DNAH9: variants seen among roughly 807,000 people sequenced by gnomAD.
The protein encoded by DNAH9 is dynein axonemal heavy chain 9, also known as DNAH9 variant protein.
Under a neutral mutation model 471.6 loss-of-function variants are expected in DNAH9, and 345 were observed. The ratio of observed to expected loss-of-function variants is 0.73; its 90% CI spans 0.67 to 0.80. The LOEUF (loss-of-function observed/expected upper bound fraction) is 0.80, where lower values mean the gene tolerates loss of function less well. Ranked by LOEUF, DNAH9 falls within the 30% of genes least tolerant of loss-of-function variation. The pLI, the probability that DNAH9 is intolerant of heterozygous loss-of-function variation, is 0.00. For synonymous variants in DNAH9, 2,093 were observed against 2,123.6 expected (o/e 0.99, Z 0.40); for missense variants, 5,407 against 5,609.2 (o/e 0.96, Z 1.15).
At chr17:11,637,164 G>A (rs1360226731) in intron 9 of DNAH9, among the ~76,000 whole-genome samples, 1 of 152,182 alleles carries the variant, frequency 6.6e-6, no homozygotes, top group East Asian at 1.9e-4. Context: ...GCCTTCCAAT[G>A]CCATAGCAAC....
intron 30 of DNAH9, 46 bp from the exon 31 acceptor site, chr17:11,744,751 C>G: frequency 6.5e-7 from 1 of 1,540,078 alleles, no homozygotes; most frequent in Non-Finnish European, 8.9e-7. Flanking sequence ...CACCCCAGCA[C>G]ATGGTGTTCT....
At chr17:11,688,864 A>G (rs1336406213) in intron 19 of DNAH9, among the ~76,000 whole-genome samples, 1 of 152,012 alleles carries the variant, frequency 6.6e-6, no homozygotes, top group African/African-American at 2.4e-5. Context: ...TTTGGAGGCC[A>G]AGGCGGGTGG....
chr17:11,651,070 T>C lies in DNAH9; in HGVS notation c.2099T>C (p.Leu700Pro). 6.2e-7 allele frequency: 1 copy of C among 1,612,402 alleles called. No homozygotes were observed. The highest frequency in any genetic ancestry group is 8.5e-7 in the Non-Finnish European group (1 of 1,178,816). ...KEITINFNPQ[L>P]ISVLKEMSYL... ...ACTTGTGTTGCTTCTTTTCTCCAGCTGATTTCAGTGCTGAAAGAAATGAGC... is the reference window on the plus strand; with the variant it reads ...ACTTGTGTTGCTTCTTTTCTCCAGCCGATTTCAGTGCTGAAAGAAATGAGC... Residue 700 changes from leucine to proline, a missense_variant and splice_region_variant, in exon 13 of 69, where the codon CTG (leucine) becomes CCG (proline). By Grantham distance (98) the Leu-to-Pro change is moderately conservative. Transcript: ENST00000262442.
At chr17:11,701,925 G>A (rs537417513) in intron 24 of DNAH9, among the ~76,000 whole-genome samples, 4 of 152,158 alleles carry the variant, frequency 2.6e-5, no homozygotes, top group South Asian at 2.1e-4. Context: ...CAAGTGATCC[G>A]CCCACCTCGG....
chr17:11,690,851 T>C (rs1210145886), intron 20 of DNAH9, among the ~76,000 whole-genome samples: 1 of 152,158 alleles, frequency 6.6e-6, no homozygotes, highest in Non-Finnish European at 1.5e-5. Context: ...CAGCATGCCA[T>C]TCTATAAACC....
intron 57 of DNAH9, among the ~76,000 whole-genome samples, chr17:11,888,127 T>C (rs536543595): frequency 2.3e-4 from 35 of 151,838 alleles, no homozygotes; most frequent in South Asian, 8.3e-4. Context: ...GGACTACAGG[T>C]GCCCACCACC....
chr17:11,694,600 AGCTTTCTTGCTTTCTTGCTTTCTT>A lies in DNAH9; in HGVS notation c.4872+177_4872+200del, dbSNP rs764975180. 3.2e-3 allele frequency among the ~76,000 whole-genome samples: 357 copies of A among 109,908 alleles called. 85 individuals are homozygous for A. The highest frequency in any genetic ancestry group is 0.011 in the African/African-American group (320 of 28,014). 72.1% of individuals were successfully genotyped at this position (109,908 alleles called of 152,430 possible). A position where few individuals can be genotyped will look rare whatever the true frequency, so the allele number is the denominator to read the frequency against. On this transcript the variant is annotated intron_variant, in intron 22 of 68. Coordinates refer to ENST00000262442, the MANE Select transcript of DNAH9 (RefSeq NM_001372.4). The stretch of plus-strand genomic sequence containing the variant: ...CCCCCAGCATCATCACATACCTCGG[AGCTTTCTTGCTTTCTTGCTTTCTT>A]GCTTTCTTGCTTTCTTGCTTTCTCG...
At chr17:11,679,697 C>T in intron 17 of DNAH9, 60 bp from the exon 18 acceptor site, 2 of 1,211,794 alleles carry the variant, frequency 1.7e-6, no homozygotes, top group Admixed American at 1.7e-5. Flanking sequence ...GAAATCAATA[C>T]ATCTGCCTTT....
intron 26 of DNAH9, among the ~76,000 whole-genome samples, chr17:11,718,782 G>A (rs1260140381): frequency 6.6e-6 from 1 of 152,194 alleles, no homozygotes; most frequent in Non-Finnish European, 1.5e-5. Flanking sequence ...TACAACATAT[G>A]TCACAGGAAG....
At chr17:11,801,488 G>C (rs1435841316) in intron 43 of DNAH9, among the ~76,000 whole-genome samples, 1 of 152,158 alleles carries the variant, frequency 6.6e-6, no homozygotes, top group Non-Finnish European at 1.5e-5. Context: ...TCAGGAGTTT[G>C]AGGCCAGCCT....
chr17:11,919,363 C>T (rs924393066), intron 61 of DNAH9, among the ~76,000 whole-genome samples: 2 of 151,682 alleles, frequency 1.3e-5, no homozygotes, highest in Non-Finnish European at 2.9e-5. Flanking sequence ...GGCGTGGTGG[C>T]GGGCGCCTGT....
rs918644795 is a variant in DNAH9, at chr17:11,871,471, C to A, written c.10054-127C>A. The stretch of plus-strand genomic sequence containing the variant: ...CACAAATCCCCATTAACGGAAAGGG[C>A]CATATAAGTGATATTCTGCCTCTTC... On this transcript the variant is annotated intron_variant, in intron 51 of 68. Transcript: ENST00000262442. 10 of 800,438 alleles carry A rather than the reference C, an allele frequency of 1.2e-5. No individual in the cohort carries two copies. The Middle Eastern group carries it at 9.8e-4, about 78-fold the overall frequency. The allele number at this position is 800,438 out of a possible 1,614,324, so 49.6% of individuals were successfully genotyped here. A position where few individuals can be genotyped will look rare whatever the true frequency, so the allele number is the denominator to read the frequency against.
intron 27 of DNAH9, among the ~76,000 whole-genome samples, chr17:11,721,787 CAGAT>C (rs895148565): frequency 6.6e-6 from 1 of 152,132 alleles, no homozygotes; most frequent in African/African-American, 2.4e-5. Context: ...AGTTAACACT[CAGAT>C]AGCATAACCC....
At position 11,888,220 on chromosome 17, in the gene DNAH9, G is replaced by A. The variant is rs569984618; in HGVS notation, c.11112+1255G>A. 3.3e-5 allele frequency among the ~76,000 whole-genome samples: 5 copies of A among 152,062 alleles called. No individual in the cohort carries two copies. In the East Asian group the frequency reaches 5.8e-4, roughly 18 times the overall value. On this transcript the variant is annotated intron_variant, in intron 57 of 68. Transcript: ENST00000262442. ...AGGATGGTCTCGATCTCCGGACTTC[G>A]TGATCCGCCCGCCTCGGCCTCCAAA...
At chr17:11,655,720 G>A (rs2073628720) in intron 14 of DNAH9, among the ~76,000 whole-genome samples, 2 of 151,634 alleles carry the variant, frequency 1.3e-5, no homozygotes, top group African/African-American at 4.8e-5. Flanking sequence ...GCAGCAACCT[G>A]GATGGAATTG....
At chr17:11,766,334 C>A (rs1203705436) in intron 36 of DNAH9, among the ~76,000 whole-genome samples, 1 of 151,272 alleles carries the variant, frequency 6.6e-6, no homozygotes, top group East Asian at 1.9e-4. Flanking sequence ...TGGCTGAATA[C>A]CTTGCAGCCC....
Position 11,756,773 on chromosome 17 carries a change from A to G in DNAH9, c.6847+97A>G, listed in dbSNP as rs187830220. ...TTGCTGGCTCAGAAGGAATCTCCACATGGGAGCCAGAAGCCTCACGTGCAG... is the reference window on the plus strand; with the variant it reads ...TTGCTGGCTCAGAAGGAATCTCCACGTGGGAGCCAGAAGCCTCACGTGCAG... On this transcript the variant is annotated intron_variant, in intron 34 of 68. Coordinates refer to ENST00000262442, the MANE Select transcript of DNAH9 (RefSeq NM_001372.4). 3.0e-5 allele frequency: 23 copies of G among 764,942 alleles called. No individual in the cohort carries two copies. The East Asian group carries it at 4.7e-4, about 16-fold the overall frequency. The allele number at this position is 764,942 out of a possible 1,614,324, so 47.4% of individuals were successfully genotyped here.
At chr17:11,715,947 C>T (rs930016839) in intron 26 of DNAH9, among the ~76,000 whole-genome samples, 3 of 152,086 alleles carry the variant, frequency 2.0e-5, no homozygotes, top group Non-Finnish European at 4.4e-5. Context: ...AAGAGATGAG[C>T]GCTCTAACAG....
rs371926599 is a variant in DNAH9, at chr17:11,869,137, C to T, written c.9937C>T (p.Leu3313Phe). The T allele has an allele frequency of 6.2e-7, 1 of 1,613,478 alleles. No homozygotes were observed. Among genetic ancestry groups the T allele is most frequent in the Admixed American group, 1.7e-5 (1 of 59,958 alleles). Residue 3313 changes from leucine to phenylalanine, a missense_variant, in exon 51 of 69, where the codon CTT becomes TTT. This residue lies in a region of DNAH9 where 4,636 missense variants were observed against 4,900.3 expected (regional missense o/e 0.95). Transcript: ENST00000262442. ...LAAIKAKIAH[L>F]NENLAKLTAR... ...CCTTGTATTCCTTCCTAAACAGCAC[C>T]TTAATGAAAACCTGGCAAAGCTCAC...
Sources: allele counts gnomAD v4.1 joint callset (sites outside exome capture counted in the v4.1 genomes callset), GRCh38; gene constraint gnomAD v4.1.1; regional missense constraint gnomAD v4.1.1; transcripts MANE v1.5; gene names NCBI Gene and HGNC (gene_info 2026-07-23, HGNC 2026-07-21).